LDLRAD3: variants seen among roughly 807,000 people sequenced by gnomAD.
LDLRAD3 encodes low-density lipoprotein receptor class A domain-containing protein 3.
Under a neutral mutation model 29.4 loss-of-function variants are expected in LDLRAD3, and 20 were observed. That is an observed-to-expected ratio of 0.68 (90% confidence interval 0.48 to 0.99). LDLRAD3 has a LOEUF of 0.99. LDLRAD3 is among the 50% of genes least tolerant of loss of function. The pLI is 0.00. For synonymous variants in LDLRAD3, 157 were observed against 192.7 expected (o/e 0.81, Z 1.53); for missense variants, 420 against 454.3 (o/e 0.92, Z 0.69).
In LDLRAD3 at chr11:36,169,736, C is replaced by G. The variant is rs538113413; in HGVS notation, c.455-57349C>G. Among the ~76,000 whole-genome samples the G allele has an allele frequency of 8.5e-5, 13 of 152,290 alleles. No homozygotes were observed. In the South Asian group the frequency reaches 2.7e-3, roughly 32 times the overall value. ...CACTTATGTTGATTTCGTATCTTGG[C>G]TAATAGAGCTGCATAAGCATGGGAG... On this transcript the variant is annotated intron_variant, in intron 4 of 5. Transcript: ENST00000315571.
chr11:36,059,732 A>G (rs942002305), intron 2 of LDLRAD3, among the ~76,000 whole-genome samples: 3 of 152,102 alleles, frequency 2.0e-5, no homozygotes, highest in African/African-American at 7.2e-5. Flanking sequence ...CGACTATCAC[A>G]TCTCCGTACA....
At chr11:35,968,940 G>C (rs1469151020) in intron 1 of LDLRAD3, among the ~76,000 whole-genome samples, 1 of 152,080 alleles carries the variant, frequency 6.6e-6, no homozygotes, top group African/African-American at 2.4e-5. Context: ...CTGGCAGATG[G>C]GACTCTGTCG....
chr11:36,182,719 G>A (rs1854782435), intron 4 of LDLRAD3, among the ~76,000 whole-genome samples: 1 of 152,148 alleles, frequency 6.6e-6, no homozygotes, highest in Non-Finnish European at 1.5e-5. Context: ...GTTCCCTGTT[G>A]AAGCTCTTGC....
chr11:35,968,999 C>T (rs992281053), intron 1 of LDLRAD3, among the ~76,000 whole-genome samples: 2 of 152,152 alleles, frequency 1.3e-5, no homozygotes, highest in African/African-American at 2.4e-5. Context: ...ATATGGTGTG[C>T]GTACCAAGTC....
At chr11:36,057,411 A>G (rs1374253872) in intron 2 of LDLRAD3, among the ~76,000 whole-genome samples, 1 of 152,072 alleles carries the variant, frequency 6.6e-6, no homozygotes, top group Non-Finnish European at 1.5e-5. Context: ...CTTGGCCCCA[A>G]ACTCTTCCTC....
Position 36,081,676 on chromosome 11 carries a change from C to T in LDLRAD3, c.217C>T (p.Pro73Ser). The T allele has an allele frequency of 5.0e-6, 8 of 1,614,208 alleles. No homozygotes were observed. The highest frequency in any genetic ancestry group is 5.9e-6 in the Non-Finnish European group (7 of 1,180,036). The change falls in exon 3 of 6, where the codon CCA becomes TCA. Residue 73 changes from proline (P) to serine (S), a missense_variant. Physicochemically the swap from Pro to Ser is moderately conservative, Grantham distance 74. Transcript: ENST00000315571. ...AGCCAAGGCTAAGTCGAAATGTGGC[C>T]CAACCTTCTTCCCCTGTGCCAGCGG... ...ECPKAKSKCG[P>S]TFFPCASGIH...
chr11:36,024,984 C>T (rs1308968506), intron 1 of LDLRAD3, among the ~76,000 whole-genome samples: 2 of 152,206 alleles, frequency 1.3e-5, no homozygotes, highest in African/African-American at 2.4e-5. Flanking sequence ...GTAAATCTAT[C>T]TTAGGAGATA....
intron 1 of LDLRAD3, among the ~76,000 whole-genome samples, chr11:35,965,470 A>G (rs1284865989): frequency 6.6e-6 from 1 of 152,164 alleles, no homozygotes; most frequent in East Asian, 1.9e-4. Flanking sequence ...GGAGGCTCCA[A>G]GGCTGTGGCT....
intron 4 of LDLRAD3, among the ~76,000 whole-genome samples, chr11:36,120,425 T>A (rs1001458668): frequency 2.0e-5 from 3 of 152,164 alleles, no homozygotes; most frequent in Non-Finnish European, 2.9e-5. Flanking sequence ...CCTGTGAGTG[T>A]TTAGTATGTG....
At chr11:36,219,661 G>C (rs1267952896) in intron 4 of LDLRAD3, among the ~76,000 whole-genome samples, 1 of 152,088 alleles carries the variant, frequency 6.6e-6, no homozygotes, top group Admixed American at 6.6e-5. Flanking sequence ...AATTTGCTGT[G>C]GATCATAGAC....
At chr11:36,219,126 T>C (rs1226769324) in intron 4 of LDLRAD3, among the ~76,000 whole-genome samples, 6 of 152,266 alleles carry the variant, frequency 3.9e-5, no homozygotes, top group African/African-American at 1.4e-4. Flanking sequence ...ATATTGTCCA[T>C]GACAGCTTTT....
chr11:36,198,421 T>G (rs982024778), intron 4 of LDLRAD3, among the ~76,000 whole-genome samples: 1 of 152,256 alleles, frequency 6.6e-6, no homozygotes, highest in African/African-American at 2.4e-5. Flanking sequence ...GGCATCCTGC[T>G]CTCGTAAAAG....
intron 1 of LDLRAD3, among the ~76,000 whole-genome samples, chr11:35,994,305 C>G (rs138191803): frequency 0.041 from 5,443 of 132,092 alleles, 113 homozygotes; most frequent in Middle Eastern, 0.11. Flanking sequence ...CCACTGCACT[C>G]CAGCCTGGGG....
intron 4 of LDLRAD3, among the ~76,000 whole-genome samples, chr11:36,174,881 C>A (rs1171582840): frequency 6.6e-6 from 1 of 152,064 alleles, no homozygotes; most frequent in African/African-American, 2.4e-5. Context: ...ACTCAGGAGG[C>A]TGAGACAGGA....
Position 35,991,867 on chromosome 11 carries a change from T to G in LDLRAD3, c.47-44236T>G, listed in dbSNP as rs72940726. Among the ~76,000 whole-genome samples, 307 of 82,752 alleles carry G rather than the reference T, an allele frequency of 3.7e-3. 5 individuals carry two copies. Among genetic ancestry groups the G allele is most frequent in the South Asian group, 7.7e-3 (14 of 1,830 alleles). 54.3% of individuals were successfully genotyped at this position (82,752 alleles called of 152,430 possible). A position where few individuals can be genotyped will look rare whatever the true frequency, so the allele number is the denominator to read the frequency against. Reference sequence around the variant, plus strand: ...AGCAGTTCATAAATTGAATGGTTGTTTGTGTGTGTGTGTGTGTGTGTGTGT... The same window carrying G: ...AGCAGTTCATAAATTGAATGGTTGTGTGTGTGTGTGTGTGTGTGTGTGTGT... On this transcript the variant is annotated intron_variant, in intron 1 of 5. Coordinates refer to ENST00000315571, the MANE Select transcript of LDLRAD3 (RefSeq NM_174902.4).
chr11:36,008,271 A>G (rs533553691), intron 1 of LDLRAD3, among the ~76,000 whole-genome samples: 3 of 152,278 alleles, frequency 2.0e-5, no homozygotes, highest in Non-Finnish European at 2.9e-5. Context: ...AGCCATTTGA[A>G]TGTGCACCTG....
chr11:35,984,528 A>T (rs1233528517), intron 1 of LDLRAD3, among the ~76,000 whole-genome samples: 1 of 152,180 alleles, frequency 6.6e-6, no homozygotes, highest in African/African-American at 2.4e-5. Flanking sequence ...CTTTGGTTAG[A>T]TGGGAGTCGG....
intron 1 of LDLRAD3, chr11:35,967,711 G>C (rs377229516): frequency 1.3e-5 from 6 of 477,188 alleles, no homozygotes; most frequent in African/African-American, 1.2e-4. Context: ...TGCCAGAGTT[G>C]TGGCTGTATT....
chr11:35,976,699 C>T (rs923524243), intron 1 of LDLRAD3, among the ~76,000 whole-genome samples: 5 of 151,360 alleles, frequency 3.3e-5, no homozygotes, highest in African/African-American at 1.2e-4. Flanking sequence ...AGTCTCTTCT[C>T]TAGGAGCTTA....
Sources: gnomAD v4.1 joint callset for allele counts (sites outside exome capture counted in the v4.1 genomes callset) on GRCh38, gnomAD v4.1.1 for gene constraint, MANE v1.5 for transcripts, NCBI Gene and HGNC (gene_info 2026-07-23, HGNC 2026-07-21) for gene names.